Variants in PLCL2 observed in about 807,000 individuals in gnomAD.
PLCL2 encodes phospholipase C like 2, also known as inactive phospholipase C-like protein 2.
Under a neutral mutation model 79.6 loss-of-function variants are expected in PLCL2, and 4 were observed. The observed-to-expected ratio is 0.05, with a 90% CI of 0.02 to 0.11. The LOEUF (loss-of-function observed/expected upper bound fraction) is 0.11, where lower values mean the gene tolerates loss of function less well. Ranked by LOEUF, PLCL2 falls within the 10% of genes least tolerant of loss-of-function variation. The pLI, the probability that PLCL2 is intolerant of heterozygous loss-of-function variation, is 1.00. For synonymous variants in PLCL2, 484 were observed against 457.7 expected, an observed-to-expected ratio of 1.06 and a Z score of -0.73; for missense variants, 895 against 1,291.0, an observed-to-expected ratio of 0.69 and a Z score of 4.70.
At chr3:17,034,042 G>A (rs537739815) in intron 3 of PLCL2, among the ~76,000 whole-genome samples, 5 of 152,302 alleles carry the variant, frequency 3.3e-5, no homozygotes, top group African/African-American at 1.2e-4. Context: ...ATTTTGTTCA[G>A]CATCATTTCA....
intron 1 of PLCL2, among the ~76,000 whole-genome samples, chr3:16,901,083 T>A (rs535030249): frequency 6.6e-6 from 1 of 152,182 alleles, no homozygotes; most frequent in African/African-American, 2.4e-5. Context: ...AAAAATTAAC[T>A]GCTCCACTGC....
At chr3:16,893,097 T>C (rs1696389533) in intron 1 of PLCL2, among the ~76,000 whole-genome samples, 1 of 152,252 alleles carries the variant, frequency 6.6e-6, no homozygotes, top group Admixed American at 6.5e-5. Flanking sequence ...GAAACCAATG[T>C]GTACCTAACC....
chr3:16,927,667 A>T (rs1697287722), intron 1 of PLCL2, among the ~76,000 whole-genome samples: 1 of 152,056 alleles, frequency 6.6e-6, no homozygotes, highest in Admixed American at 6.5e-5. Context: ...GCATTGTAGG[A>T]TGTAGGCTCT....
chr3:16,954,275 T>C (rs2063682180), intron 1 of PLCL2, among the ~76,000 whole-genome samples: 1 of 152,042 alleles, frequency 6.6e-6, no homozygotes, highest in African/African-American at 2.4e-5. Flanking sequence ...GCACATGCGG[T>C]GTTTGGTTTT....
intron 1 of PLCL2, among the ~76,000 whole-genome samples, chr3:16,963,037 A>G (rs1313897009): frequency 1.3e-5 from 2 of 152,098 alleles, no homozygotes; most frequent in Non-Finnish European, 2.9e-5. Flanking sequence ...TAGCTAAGAT[A>G]TTTTTTCAAC....
intron 1 of PLCL2, among the ~76,000 whole-genome samples, chr3:16,972,884 A>G (rs914388458): frequency 2.6e-5 from 4 of 152,092 alleles, no homozygotes; most frequent in Non-Finnish European, 5.9e-5. Context: ...GTCATTGCAT[A>G]TAAAATGGGT....
intron 5 of PLCL2, chr3:17,081,434 C>A (rs1005721850): frequency 4.7e-5 from 15 of 320,668 alleles, no homozygotes; most frequent in Non-Finnish European, 8.0e-5. Context: ...AGTAAGACAA[C>A]TGTTTTTCTC....
chr3:17,030,986 T>C (rs2064574737), intron 3 of PLCL2, among the ~76,000 whole-genome samples: 1 of 134,436 alleles, frequency 7.4e-6, no homozygotes, highest in African/African-American at 3.1e-5. Flanking sequence ...ATTTAATTAA[T>C]TTAGTAATAG....
chr3:16,957,316 A>G (rs2063715352), intron 1 of PLCL2, among the ~76,000 whole-genome samples: 1 of 152,142 alleles, frequency 6.6e-6, no homozygotes, highest in African/African-American at 2.4e-5. Context: ...CAGGTTGTTC[A>G]GTTTCCATGT....
chr3:16,988,135 G>A (rs770382461), intron 1 of PLCL2, among the ~76,000 whole-genome samples: 7 of 152,140 alleles, frequency 4.6e-5, no homozygotes, highest in Non-Finnish European at 5.9e-5. Context: ...TAAAAAGGTC[G>A]TGGAGTGTCT....
intron 4 of PLCL2, among the ~76,000 whole-genome samples, chr3:17,047,333 T>G (rs1253432102): frequency 6.6e-6 from 1 of 152,106 alleles, no homozygotes; most frequent in East Asian, 1.9e-4. Context: ...CCTGCTTTCA[T>G]GGGCATGCCT....
intron 1 of PLCL2, among the ~76,000 whole-genome samples, chr3:16,965,485 G>T (rs1203694794): frequency 1.3e-5 from 2 of 151,812 alleles, no homozygotes; most frequent in East Asian, 3.8e-4. Context: ...TTTGGCTTAG[G>T]ATTCTCTTGG....
chr3:17,035,709 A>T (rs1428241345), intron 3 of PLCL2: 2 of 496,480 alleles, frequency 4.0e-6, no homozygotes, highest in Non-Finnish European at 8.0e-6. Flanking sequence ...TGCAGTGTAG[A>T]AGTTTATATC....
intron 1 of PLCL2, among the ~76,000 whole-genome samples, chr3:16,935,303 C>G (rs1697513552): frequency 6.6e-6 from 1 of 151,810 alleles, no homozygotes; most frequent in South Asian, 2.1e-4. Context: ...TTGCTTAACC[C>G]TTTGTCTTTT....
intron 1 of PLCL2, among the ~76,000 whole-genome samples, chr3:16,930,008 G>A (rs979590591): frequency 2.0e-5 from 3 of 152,114 alleles, no homozygotes; most frequent in African/African-American, 7.2e-5. Context: ...TATCGTGGGA[G>A]GTGAGTTGCC....
chr3:16,889,858 G>A (rs1206485452), intron 1 of PLCL2, among the ~76,000 whole-genome samples: 2 of 151,986 alleles, frequency 1.3e-5, no homozygotes, highest in African/African-American at 2.4e-5. Context: ...TAATATCTGC[G>A]TTTGACTTTA....
rs191479675 is a variant in PLCL2, at chr3:16,938,611, A to T, written c.327+53245A>T. ...TTCTATGTGAAACCAGGAAATAGTA[A>T]TCTTTTTTGTTGCATGTATAGTGCA... On this transcript the variant is annotated intron_variant, in intron 1 of 5. Coordinates refer to ENST00000615277, the MANE Select transcript of PLCL2 (RefSeq NM_001144382.2). Among the ~76,000 whole-genome samples, 6 of 152,320 alleles carry T rather than the reference A, an allele frequency of 3.9e-5. No homozygotes were observed. The East Asian group carries it at 1.2e-3, about 29-fold the overall frequency.
At chr3:16,995,528 T>C (rs1488541678) in intron 1 of PLCL2, among the ~76,000 whole-genome samples, 1 of 152,216 alleles carries the variant, frequency 6.6e-6, no homozygotes, top group East Asian at 1.9e-4. Flanking sequence ...TCTTCCAACA[T>C]TGCAGTCTCT....
intron 1 of PLCL2, among the ~76,000 whole-genome samples, chr3:16,956,725 C>T (rs1453194729): frequency 6.6e-6 from 1 of 152,166 alleles, no homozygotes; most frequent in Non-Finnish European, 1.5e-5. Flanking sequence ...TTGGTCTGTT[C>T]AGAGATTCAA....
Sources: gnomAD v4.1 joint callset for allele counts (sites outside exome capture counted in the v4.1 genomes callset) on GRCh38, gnomAD v4.1.1 for gene constraint, MANE v1.5 for transcripts, NCBI Gene and HGNC (gene_info 2026-07-23, HGNC 2026-07-21) for gene names.